The following LRRC4C variants were observed in gnomAD, a reference collection of about 807,000 sequenced individuals.
LRRC4C encodes the protein leucine-rich repeat-containing protein 4C.
LRRC4C carries 5 observed loss-of-function variants against 33.6 expected under a neutral mutation model. That is an observed-to-expected ratio of 0.15 (90% CI 0.08 to 0.31). The LOEUF (loss-of-function observed/expected upper bound fraction) is 0.31. Among genes scored for constraint, LRRC4C ranks in the 10% least tolerant of loss-of-function variants. LRRC4C has a pLI of 1.00. For missense variants in LRRC4C, 560 were observed against 796.7 expected, an observed-to-expected ratio of 0.70 and a Z score of 3.58; for synonymous variants, 329 against 302.0, an observed-to-expected ratio of 1.09 and a Z score of -0.93.
intron 3 of LRRC4C, among the ~76,000 whole-genome samples, chr11:40,540,179 TAGAA>T (rs1956646666): frequency 6.6e-6 from 1 of 152,188 alleles, no homozygotes. Flanking sequence ...CCACAATAAA[TAGAA>T]AGGACAAGAA....
intron 1 of LRRC4C, among the ~76,000 whole-genome samples, chr11:41,048,056 T>C (rs924846713): frequency 6.6e-6 from 1 of 152,228 alleles, no homozygotes; most frequent in Non-Finnish European, 1.5e-5. Context: ...ATAACTTTTC[T>C]ACTTCATGCT....
At chr11:40,992,028 T>C (rs1344672645) in intron 1 of LRRC4C, among the ~76,000 whole-genome samples, 2 of 152,210 alleles carry the variant, frequency 1.3e-5, no homozygotes. Flanking sequence ...TGGTATGTTT[T>C]CATATTTCAC....
chr11:41,315,703 G>A (rs1450245438), intron 1 of LRRC4C, among the ~76,000 whole-genome samples: 1 of 152,194 alleles, frequency 6.6e-6, no homozygotes, highest in East Asian at 1.9e-4. Context: ...GGGAATGAAT[G>A]TTTATGATTG....
chr11:40,455,727 T>A (rs1806203215), intron 3 of LRRC4C, among the ~76,000 whole-genome samples: 1 of 152,146 alleles, frequency 6.6e-6, no homozygotes, highest in South Asian at 2.1e-4. Context: ...TGTCTCTGCT[T>A]TAAATGTCCC....
chr11:40,156,075 A>G (rs1858666902), intron 5 of LRRC4C, among the ~76,000 whole-genome samples: 1 of 152,188 alleles, frequency 6.6e-6, no homozygotes, highest in South Asian at 2.1e-4. Context: ...GTAATACACC[A>G]CATAAACAGG....
intron 1 of LRRC4C, among the ~76,000 whole-genome samples, chr11:41,360,592 G>A (rs1301140748): frequency 6.6e-6 from 1 of 152,154 alleles, no homozygotes; most frequent in Non-Finnish European, 1.5e-5. Context: ...AAGAAGTTAT[G>A]CTTAAGTCGA....
intron 1 of LRRC4C, among the ~76,000 whole-genome samples, chr11:41,391,226 G>C (rs1953580132): frequency 6.8e-6 from 1 of 147,988 alleles, no homozygotes; most frequent in Non-Finnish European, 1.5e-5. Context: ...TACTCAGTAA[G>C]TCCAAAGTGA....
At chr11:41,148,326 G>C (rs191441034) in intron 1 of LRRC4C, among the ~76,000 whole-genome samples, 1 of 152,116 alleles carries the variant, frequency 6.6e-6, no homozygotes, top group Admixed American at 6.5e-5. Context: ...TAGTGGTTGA[G>C]GCTGCAGTGA....
chr11:40,730,111 T>C (rs960326909), intron 2 of LRRC4C, among the ~76,000 whole-genome samples: 1 of 145,922 alleles, frequency 6.9e-6, no homozygotes, highest in East Asian at 2.1e-4. Context: ...GTTGTGGGGT[T>C]GGGGGGGGCA....
chr11:40,581,119 T>C (rs951889146), intron 3 of LRRC4C, among the ~76,000 whole-genome samples: 2 of 152,218 alleles, frequency 1.3e-5, no homozygotes, highest in Admixed American at 6.5e-5. Context: ...GAAACCGTTA[T>C]CTTTGGGGCA....
At chr11:40,346,713 T>C (rs1947149866) in intron 3 of LRRC4C, among the ~76,000 whole-genome samples, 1 of 152,170 alleles carries the variant, frequency 6.6e-6, no homozygotes, top group Non-Finnish European at 1.5e-5. Flanking sequence ...AAACGTTTTT[T>C]TAAAAGCAAA....
chr11:40,252,185 TAC>T (rs1452379389), intron 4 of LRRC4C, among the ~76,000 whole-genome samples: 2 of 151,508 alleles, frequency 1.3e-5, no homozygotes, highest in Non-Finnish European at 2.9e-5. Context: ...CACACATATA[TAC>T]ACACACACAA....
At chr11:41,253,524 C>T (rs1252795484) in intron 1 of LRRC4C, among the ~76,000 whole-genome samples, 1 of 152,050 alleles carries the variant, frequency 6.6e-6, no homozygotes, top group Admixed American at 6.6e-5. Context: ...TTTACAAGAA[C>T]CACTGTGATA....
intron 3 of LRRC4C, among the ~76,000 whole-genome samples, chr11:40,327,748 T>A (rs10837383): frequency 0.88 from 132,998 of 151,740 alleles, 58,868 homozygotes; most frequent in East Asian, 0.98. Context: ...TCTATTAAAC[T>A]CCAACAAAAA....
At chr11:41,062,429 C>T (rs984827145) in intron 1 of LRRC4C, among the ~76,000 whole-genome samples, 2 of 152,220 alleles carry the variant, frequency 1.3e-5, no homozygotes, top group African/African-American at 4.8e-5. Flanking sequence ...TTATTACCTT[C>T]TCTTGATAAA....
At chr11:40,833,144 G>T (rs1246206350) in intron 2 of LRRC4C, among the ~76,000 whole-genome samples, 1 of 152,086 alleles carries the variant, frequency 6.6e-6, no homozygotes, top group Non-Finnish European at 1.5e-5. Flanking sequence ...ATCTTGACTT[G>T]CTACTCATTT....
chr11:41,253,160 T>C (rs886572604), intron 1 of LRRC4C, among the ~76,000 whole-genome samples: 1 of 152,168 alleles, frequency 6.6e-6, no homozygotes, highest in African/African-American at 2.4e-5. Context: ...GGAACAGATC[T>C]GAGGATATTC....
At chr11:41,230,708 T>C (rs899056986) in intron 1 of LRRC4C, among the ~76,000 whole-genome samples, 7 of 152,020 alleles carry the variant, frequency 4.6e-5, no homozygotes, top group African/African-American at 1.7e-4. Context: ...AAGGACTTCA[T>C]GTCTAAAATA....
At chr11:40,588,836 G>C (rs1958892441) in intron 3 of LRRC4C, among the ~76,000 whole-genome samples, 1 of 152,180 alleles carries the variant, frequency 6.6e-6, no homozygotes, top group Non-Finnish European at 1.5e-5. Flanking sequence ...ACTGTGGTCT[G>C]AGAGATAGTT....
Sources: gnomAD v4.1 joint callset for allele counts (sites outside exome capture counted in the v4.1 genomes callset) on GRCh38, gnomAD v4.1.1 for gene constraint, MANE v1.5 for transcripts, NCBI Gene and HGNC (gene_info 2026-07-23, HGNC 2026-07-21) for gene names.